DOCK2: variants seen among roughly 807,000 people sequenced by gnomAD.
DOCK2 encodes the protein dedicator of cytokinesis 2, also known as dedicator of cytokinesis protein 2.
Under a neutral mutation model 248.9 loss-of-function variants are expected in DOCK2, and 87 were observed. The observed-to-expected ratio is 0.35, with a 90% confidence interval of 0.29 to 0.42. The LOEUF (loss-of-function observed/expected upper bound fraction) is 0.42. DOCK2 is among the 10% of genes least tolerant of loss of function. DOCK2 has a pLI of 1.00. For missense variants in DOCK2, 1,747 were observed against 2,300.2 expected, an observed-to-expected ratio of 0.76 and a Z score of 4.92; for synonymous variants, 805 against 821.6, an observed-to-expected ratio of 0.98 and a Z score of 0.35.
intron 27 of DOCK2, among the ~76,000 whole-genome samples, chr5:169,964,627 A>T (rs1777228027): frequency 6.6e-6 from 1 of 152,210 alleles, no homozygotes; most frequent in Non-Finnish European, 1.5e-5. Context: ...CAAAGTTGGT[A>T]AGCCAAAAGT....
intron 22 of DOCK2, among the ~76,000 whole-genome samples, chr5:169,745,273 T>C (rs1016551427): frequency 6.6e-6 from 1 of 152,222 alleles, no homozygotes; most frequent in Non-Finnish European, 1.5e-5. Context: ...TTTTCTACTT[T>C]GATGACATTT....
At chr5:169,835,263 T>G (rs890087573) in intron 26 of DOCK2, among the ~76,000 whole-genome samples, 9 of 147,962 alleles carry the variant, frequency 6.1e-5, no homozygotes, top group Non-Finnish European at 1.0e-4. Context: ...ATGCCTGGTT[T>G]TTTTTTTTTT....
chr5:169,740,860 G>T (rs1763269068), intron 22 of DOCK2, among the ~76,000 whole-genome samples: 1 of 152,306 alleles, frequency 6.6e-6, no homozygotes, highest in South Asian at 2.1e-4. Flanking sequence ...TTTGGAGACA[G>T]GGTCTCATTG....
rs1761631419 is a variant in DOCK2, at chr5:169,712,238, A to T, written c.1659+15A>T. 2 of 1,612,918 alleles carry T rather than the reference A, an allele frequency of 1.2e-6. No individual in the cohort carries two copies. The highest frequency in any genetic ancestry group is 4.5e-5 in the East Asian group (2 of 44,844). On this transcript the variant is annotated intron_variant, in intron 17 of 51. Transcript: ENST00000520908. ...TTGTCCTCAAGGTACCATGAGTTGG[A>T]AGGAGCTCTGCACTGAGGGGAGTGC...
intron 26 of DOCK2, among the ~76,000 whole-genome samples, chr5:169,804,034 C>A (rs1054573749): frequency 6.6e-6 from 1 of 152,122 alleles, no homozygotes; most frequent in Non-Finnish European, 1.5e-5. Context: ...CCCAAACAAC[C>A]AATACATTTT....
At chr5:169,673,500 T>C (rs1391758980) in intron 5 of DOCK2, among the ~76,000 whole-genome samples, 2 of 151,978 alleles carry the variant, frequency 1.3e-5, no homozygotes, top group African/African-American at 2.4e-5. Context: ...CTAAATACAA[T>C]GAAAACAAGA....
chr5:169,889,932 C>A (rs529562593), intron 27 of DOCK2, among the ~76,000 whole-genome samples: 6 of 152,298 alleles, frequency 3.9e-5, no homozygotes, highest in Admixed American at 3.9e-4. Flanking sequence ...GACACATTGC[C>A]GTGTCCCTTC....
At chr5:170,080,425 C>A in intron 50 of DOCK2, 142 bp downstream of exon 50, 1 of 1,299,292 alleles carries the variant, frequency 7.7e-7, no homozygotes, top group Non-Finnish European at 1.0e-6. Flanking sequence ...TCATAGCCAC[C>A]CACCCTCTAA....
chr5:169,658,738 C>T (rs1186867358), intron 2 of DOCK2, among the ~76,000 whole-genome samples: 2 of 150,020 alleles, frequency 1.3e-5, no homozygotes, highest in South Asian at 4.2e-4. Flanking sequence ...TAGTTTTAAA[C>T]AAACAAAAAA....
chr5:169,834,597 G>A (rs1769434036), intron 26 of DOCK2, among the ~76,000 whole-genome samples: 1 of 103,258 alleles, frequency 9.7e-6, no homozygotes, highest in African/African-American at 4.1e-5. Flanking sequence ...CACATGCTCA[G>A]TCAGTGCTCT....
chr5:169,874,282 G>A (rs1258010228), intron 27 of DOCK2, among the ~76,000 whole-genome samples: 4 of 151,714 alleles, frequency 2.6e-5, no homozygotes, highest in African/African-American at 4.8e-5. Context: ...GTGTGGTGGC[G>A]GGCACCTATA....
chr5:169,928,900 G>A (rs1258393383), intron 27 of DOCK2, among the ~76,000 whole-genome samples: 1 of 152,196 alleles, frequency 6.6e-6, no homozygotes, highest in Non-Finnish European at 1.5e-5. Flanking sequence ...TTCTGTTCCT[G>A]CTTGAATAGT....
At chr5:169,783,836 A>T (rs181395625) in intron 25 of DOCK2, among the ~76,000 whole-genome samples, 1 of 152,358 alleles carries the variant, frequency 6.6e-6, no homozygotes, top group East Asian at 1.9e-4. Context: ...CTTTCCAATA[A>T]GCAAGCTTGC....
chr5:169,774,591 T>C lies in DOCK2; in HGVS notation c.2554+12966T>C, dbSNP rs180782580. 2.6e-4 allele frequency among the ~76,000 whole-genome samples: 40 copies of C among 152,292 alleles called. No homozygotes were observed. In the Middle Eastern group the frequency reaches 0.017, roughly 65 times the overall value. On this transcript the variant is annotated intron_variant, in intron 25 of 51. Coordinates refer to ENST00000520908, the MANE Select transcript of DOCK2 (RefSeq NM_004946.3). ...AGTTTCTGTCCCCAGGAGCTTACGA[T>C]TGGAGAAGAAAAGATTTACCCAAAG...
At chr5:170,032,315 C>G (rs549351451) in intron 34 of DOCK2, among the ~76,000 whole-genome samples, 1 of 152,098 alleles carries the variant, frequency 6.6e-6, no homozygotes, top group Non-Finnish European at 1.5e-5. Context: ...TGTGAGCCAC[C>G]GCGCCTGGCC....
At chr5:169,856,967 T>C (rs1017547569) in intron 27 of DOCK2, among the ~76,000 whole-genome samples, 3 of 152,228 alleles carry the variant, frequency 2.0e-5, no homozygotes, top group Non-Finnish European at 2.9e-5. Flanking sequence ...TAATATAGTA[T>C]ACTTACGGAT....
intron 25 of DOCK2, among the ~76,000 whole-genome samples, chr5:169,800,990 C>T (rs1182392557): frequency 2.8e-4 from 25 of 88,112 alleles, no homozygotes; most frequent in Non-Finnish European, 4.4e-4. Flanking sequence ...GAGTCTAGCT[C>T]TGTTGCCCAG....
chr5:169,918,691 T>A (rs1775012090), intron 27 of DOCK2, among the ~76,000 whole-genome samples: 1 of 152,182 alleles, frequency 6.6e-6, no homozygotes, highest in Non-Finnish European at 1.5e-5. Context: ...GGCGAGAGGA[T>A]CACCTGAGTT....
intron 22 of DOCK2, among the ~76,000 whole-genome samples, chr5:169,720,742 C>T (rs561535458): frequency 6.6e-6 from 1 of 151,988 alleles, no homozygotes; most frequent in African/African-American, 2.4e-5. Context: ...GAGACAGAGT[C>T]TTGCTCTGTC....
Sources: allele counts gnomAD v4.1 joint callset (sites outside exome capture counted in the v4.1 genomes callset), GRCh38; gene constraint gnomAD v4.1.1; transcripts MANE v1.5; gene names NCBI Gene and HGNC (gene_info 2026-07-23, HGNC 2026-07-21).